Variants in ARHGAP22 observed in about 807,000 individuals in gnomAD.
The protein encoded by ARHGAP22 is rho GTPase-activating protein 22.
In ARHGAP22, 48 loss-of-function variants were observed where a neutral mutation model predicts 59.1. That is an observed-to-expected ratio of 0.81 (90% CI 0.64 to 1.03). The LOEUF (loss-of-function observed/expected upper bound fraction) is 1.03. ARHGAP22 is among the 50% of genes least tolerant of loss of function. The pLI, the probability that ARHGAP22 is intolerant of heterozygous loss-of-function variation, is 0.00. For synonymous variants in ARHGAP22, 445 were observed against 416.4 expected, an observed-to-expected ratio of 1.07 and a Z score of -0.84; for missense variants, 1,015 against 958.7, an observed-to-expected ratio of 1.06 and a Z score of -0.78.
chr10:48,544,554 G>A (rs1345149429), intron 3 of ARHGAP22, among the ~76,000 whole-genome samples: 5 of 152,204 alleles, frequency 3.3e-5, no homozygotes, highest in Admixed American at 1.3e-4. Context: ...CTGAGCAATG[G>A]AATTGTCAAT....
chr10:48,479,767 G>A lies in ARHGAP22; in HGVS notation c.323-3C>T. On this transcript the variant is annotated splice_region_variant and splice_polypyrimidine_tract_variant and intron_variant, in intron 3 of 9. Transcript: ENST00000249601. Reference sequence around the variant, plus strand: ...CTTCTCCCGCTCCCCGGCACCACCTGCAAGACAGGGAGACACAGGCTTACG... The same window carrying A: ...CTTCTCCCGCTCCCCGGCACCACCTACAAGACAGGGAGACACAGGCTTACG... 6.3e-7 allele frequency: 1 copy of A among 1,576,400 alleles called. No individual in the cohort carries two copies.
chr10:48,455,232 C>G, intron 5 of ARHGAP22, 98 bp from the exon 6 acceptor site: 1 of 1,387,356 alleles, frequency 7.2e-7, no homozygotes. Flanking sequence ...CCTCTGGTCT[C>G]AGGTGCATTC....
intron 1 of ARHGAP22, among the ~76,000 whole-genome samples, chr10:48,649,925 A>G (rs1000969322): frequency 5.9e-5 from 9 of 152,102 alleles, no homozygotes; most frequent in African/African-American, 1.2e-4. Flanking sequence ...CAATCCTTGA[A>G]AATGACAGTT....
intron 1 of ARHGAP22, among the ~76,000 whole-genome samples, chr10:48,641,510 T>C (rs2062044946): frequency 6.6e-6 from 1 of 152,166 alleles, no homozygotes; most frequent in African/African-American, 2.4e-5. Context: ...GATATCTCAA[T>C]AGACGCAGAA....
chr10:48,513,905 T>C (rs937802205), intron 3 of ARHGAP22, among the ~76,000 whole-genome samples: 4 of 152,156 alleles, frequency 2.6e-5, no homozygotes, highest in African/African-American at 9.7e-5. Context: ...TAATAAAACA[T>C]AGTGTGACAA....
intron 1 of ARHGAP22, among the ~76,000 whole-genome samples, chr10:48,646,764 G>A (rs1282543587): frequency 1.3e-5 from 2 of 152,184 alleles, no homozygotes; most frequent in Non-Finnish European, 2.9e-5. Flanking sequence ...AAATGTAGAT[G>A]CTAAAACCAT....
At chr10:48,574,280 A>T (rs2058574447) in intron 2 of ARHGAP22, among the ~76,000 whole-genome samples, 1 of 152,204 alleles carries the variant, frequency 6.6e-6, no homozygotes, top group Admixed American at 6.5e-5. Flanking sequence ...ACCCAATATT[A>T]CTGGATACCA....
intron 3 of ARHGAP22, among the ~76,000 whole-genome samples, chr10:48,519,918 G>A (rs778486041): frequency 1.3e-5 from 2 of 152,162 alleles, no homozygotes; most frequent in Admixed American, 6.5e-5. Context: ...CAGAGCTGTG[G>A]GTGGATGCTG....
At chr10:48,650,054 G>A (rs1219506348) in intron 1 of ARHGAP22, among the ~76,000 whole-genome samples, 2 of 151,428 alleles carry the variant, frequency 1.3e-5, no homozygotes, top group African/African-American at 4.9e-5. Context: ...CCAGGAGGTG[G>A]CAGGTGGAGA....
intron 3 of ARHGAP22, among the ~76,000 whole-genome samples, chr10:48,545,129 G>T (rs1398024329): frequency 2.0e-5 from 3 of 152,124 alleles, no homozygotes; most frequent in Non-Finnish European, 4.4e-5. Flanking sequence ...TTTCCTTTTA[G>T]TTTTAAAAAA....
chr10:48,518,044 G>A (rs1194422341), intron 3 of ARHGAP22, among the ~76,000 whole-genome samples: 4 of 152,170 alleles, frequency 2.6e-5, no homozygotes, highest in African/African-American at 9.7e-5. Context: ...TCTGCTGGAT[G>A]CTGGTTCCCT....
intron 9 of ARHGAP22, 105 bp downstream of exon 9, chr10:48,450,156 G>A: frequency 1.4e-6 from 2 of 1,450,156 alleles, no homozygotes; most frequent in Non-Finnish European, 1.8e-6. Context: ...CTGGCTTCCA[G>A]GGCCAGCGGC....
At chr10:48,493,119 C>T (rs1375814684) in intron 3 of ARHGAP22, among the ~76,000 whole-genome samples, 2 of 152,116 alleles carry the variant, frequency 1.3e-5, no homozygotes, top group African/African-American at 2.4e-5. Context: ...CTGGGGCTGG[C>T]GGTGTATGTT....
chr10:48,537,288 G>A (rs2055455341), intron 3 of ARHGAP22, among the ~76,000 whole-genome samples: 1 of 152,206 alleles, frequency 6.6e-6, no homozygotes, highest in Non-Finnish European at 1.5e-5. Flanking sequence ...AGGATTTGTG[G>A]AGCCCTGCTC....
chr10:48,563,432 C>T (rs1238116240), intron 2 of ARHGAP22, among the ~76,000 whole-genome samples: 6 of 152,018 alleles, frequency 3.9e-5, no homozygotes, highest in African/African-American at 7.2e-5. Context: ...CCTCGTGATC[C>T]GCCCGTCTCG....
Position 48,610,461 on chromosome 10 carries a change from A to C in ARHGAP22, c.53-27309T>G, listed in dbSNP as rs190957102. 4.6e-5 allele frequency among the ~76,000 whole-genome samples: 7 copies of C among 152,262 alleles called. No individual in the cohort carries two copies. The East Asian group carries it at 1.4e-3, about 29-fold the overall frequency. The stretch of plus-strand genomic sequence containing the variant: ...GGGAAAGGTGACTTAGGGGCACTGC[A>C]TTGGCTCAGGCACCATAACCATAAC... On this transcript the variant is annotated intron_variant, in intron 1 of 9. Transcript: ENST00000435790.
Position 48,451,000 on chromosome 10 carries a change from T to C in ARHGAP22, c.1129A>G (p.Arg377Gly), listed in dbSNP as rs1313433178. ...AVGWGSEEVT[R>G]DSQGEPGGPG... ...CCGCCGGGCTCTCCTTGGCTGTCCCTGGTGACCTCCTCGGAGCCCCACCCC... is the reference window on the plus strand; with the variant it reads ...CCGCCGGGCTCTCCTTGGCTGTCCCCGGTGACCTCCTCGGAGCCCCACCCC... Residue 377 changes from arginine to glycine, a missense_variant, in exon 9 of 10, where the codon AGG (arginine) becomes GGG (glycine). Physicochemically the swap from Arg to Gly is moderately radical, Grantham distance 125. Transcript: ENST00000249601. 7.7e-6 allele frequency: 12 copies of C among 1,558,426 alleles called. No homozygotes were observed. The highest frequency in any genetic ancestry group is 1.0e-5 in the Non-Finnish European group (12 of 1,151,660).
rs562386784 is a variant in ARHGAP22, at chr10:48,446,271, ATCTC to A, written c.*116_*119del. On this transcript the variant is annotated 3_prime_UTR_variant, in exon 10 of 10. Transcript: ENST00000249601. ...CCACAGTCCCCACAGAGGTATCAGGATCTCTCTCTCTCCAGCTGGCTCCAGAGCG... is the reference window on the plus strand; with the variant it reads ...CCACAGTCCCCACAGAGGTATCAGGATCTCTCTCCAGCTGGCTCCAGAGCG... 51 of 1,044,930 alleles carry A rather than the reference ATCTC, an allele frequency of 4.9e-5. 1 individual carries two copies. The highest frequency in any genetic ancestry group is 5.4e-5 in the Non-Finnish European group (39 of 718,238). The allele number at this position is 1,044,930 out of a possible 1,614,324, so 64.7% of individuals were successfully genotyped here.
chr10:48,445,974 G>A (rs2045323086), downstream of ARHGAP22: 1 of 193,482 alleles, frequency 5.2e-6, no homozygotes, highest in Non-Finnish European at 1.1e-5. Flanking sequence ...AGAAACAGGA[G>A]TGGTCCTGTA....
Sources: gnomAD v4.1 joint callset for allele counts (sites outside exome capture counted in the v4.1 genomes callset) on GRCh38, gnomAD v4.1.1 for gene constraint, MANE v1.5 for transcripts, NCBI Gene and HGNC (gene_info 2026-07-23, HGNC 2026-07-21) for gene names.